The following CFAP61 variants were observed in gnomAD, a reference collection of about 807,000 sequenced individuals.
CFAP61 encodes cilia- and flagella-associated protein 61.
In CFAP61, 107 loss-of-function variants were observed where a neutral mutation model predicts 135.6. That is an observed-to-expected ratio of 0.79 (90% CI 0.67 to 0.93). The LOEUF (loss-of-function observed/expected upper bound fraction) is 0.93. Ranked by LOEUF, CFAP61 falls within the 40% of genes least tolerant of loss-of-function variation. CFAP61 has a pLI of 0.00. For missense variants in CFAP61, 1,507 were observed against 1,556.2 expected, an observed-to-expected ratio of 0.97 and a Z score of 0.53; for synonymous variants, 575 against 578.5, an observed-to-expected ratio of 0.99 and a Z score of 0.09.
chr20:20,229,664 C>T (rs2048990790), intron 18 of CFAP61, among the ~76,000 whole-genome samples: 2 of 152,136 alleles, frequency 1.3e-5, no homozygotes, highest in Non-Finnish European at 2.9e-5. Context: ...GGTTATTTTG[C>T]TCATTTAACA....
chr20:20,262,095 C>T (rs1383086103), intron 20 of CFAP61, among the ~76,000 whole-genome samples: 1 of 152,184 alleles, frequency 6.6e-6, no homozygotes, highest in African/African-American at 2.4e-5. Flanking sequence ...ACCCCAGATA[C>T]AATTTCTGTG....
chr20:20,240,996 C>T (rs2049982503), intron 18 of CFAP61, among the ~76,000 whole-genome samples: 1 of 152,156 alleles, frequency 6.6e-6, no homozygotes, highest in African/African-American at 2.4e-5. Flanking sequence ...GGCCCAGCTG[C>T]CTAGCTGACT....
chr20:20,142,275 T>C (rs1040127099), intron 8 of CFAP61, among the ~76,000 whole-genome samples: 2 of 152,134 alleles, frequency 1.3e-5, no homozygotes, highest in Admixed American at 6.5e-5. Flanking sequence ...TTCTTGAAAA[T>C]AATTTCTATT....
At chr20:20,069,249 G>A (rs1313610916) in intron 2 of CFAP61, among the ~76,000 whole-genome samples, 1 of 152,174 alleles carries the variant, frequency 6.6e-6, no homozygotes, top group Non-Finnish European at 1.5e-5. Flanking sequence ...AATAGTATAG[G>A]TTGTGAGATT....
At chr20:20,170,813 A>G (rs2054167407) in intron 13 of CFAP61, among the ~76,000 whole-genome samples, 1 of 152,252 alleles carries the variant, frequency 6.6e-6, no homozygotes, top group Non-Finnish European at 1.5e-5. Context: ...TCTATATCCT[A>G]TGTGGAAAGA....
At chr20:20,130,282 C>G (rs73605599) in intron 8 of CFAP61, among the ~76,000 whole-genome samples, 15,018 of 150,312 alleles carry the variant, frequency 0.1, 1,653 homozygotes, top group East Asian at 0.59. Flanking sequence ...GGGCGAGACT[C>G]TGTCTCAGAA....
intron 26 of CFAP61, among the ~76,000 whole-genome samples, chr20:20,357,225 G>T (rs76006226): frequency 0.049 from 2,721 of 55,380 alleles, no homozygotes; most frequent in East Asian, 0.23. Flanking sequence ...TGAGGGGAGG[G>T]GGTCATACTG....
At chr20:20,225,413 A>C (rs186629804) in intron 17 of CFAP61, 1 of 152,298 alleles carries the variant, frequency 6.6e-6, no homozygotes, top group Non-Finnish European at 1.5e-5. Context: ...CATCATTGGT[A>C]CTGGTTGCCT....
intron 13 of CFAP61, among the ~76,000 whole-genome samples, chr20:20,181,276 T>TACAC (rs74180984): frequency 0.013 from 1,808 of 144,506 alleles, 28 homozygotes; most frequent in Admixed American, 0.037. Flanking sequence ...TGTGTATGTA[T>TACAC]ACACACACAC....
rs570001071 is a variant in CFAP61, at chr20:20,297,895, G to T, written c.3217-286G>T. On this transcript the variant is annotated intron_variant, in intron 24 of 26. Transcript: ENST00000245957. ...AAACCCAGTTCCACTTATTAGCTGG[G>T]TGTGCAGTATTAATAAAGGGTTGGT... Among the ~76,000 whole-genome samples the T allele has an allele frequency of 9.8e-5, 15 of 152,346 alleles. No individual in the cohort carries two copies. In the South Asian group the frequency reaches 2.3e-3, roughly 23 times the overall value.
chr20:20,343,429 G>A (rs1347383737), intron 26 of CFAP61, among the ~76,000 whole-genome samples: 1 of 152,186 alleles, frequency 6.6e-6, no homozygotes, highest in African/African-American at 2.4e-5. Flanking sequence ...GCAAGTAAAT[G>A]CAGCTGAGGG....
chr20:20,181,214 CATATGTGTATATATATAACTTTT>C (rs2055060246), intron 13 of CFAP61, among the ~76,000 whole-genome samples: 1 of 144,972 alleles, frequency 6.9e-6, no homozygotes, highest in Non-Finnish European at 1.5e-5. Context: ...TGTATATATA[CATATGTGTATATATATAACTTTT>C]ATGTGTATAT....
At position 20,193,535 on chromosome 20, in the gene CFAP61, A is replaced by G. The variant is rs573177766; in HGVS notation, c.1590+2116A>G. 1.9e-4 allele frequency among the ~76,000 whole-genome samples: 29 copies of G among 152,060 alleles called. 1 individual carries two copies. The highest frequency in any genetic ancestry group is 3.4e-4 in the Non-Finnish European group (23 of 68,014). On this transcript the variant is annotated intron_variant, in intron 15 of 26. Coordinates refer to ENST00000245957, the MANE Select transcript of CFAP61 (RefSeq NM_015585.4). ...TAGTAAGGTCCCTGAGTCTACACAA[A>G]TATGATAAGTTTTCATTGGTCCTCA...
In CFAP61 at chr20:20,329,756, C is replaced by T. The variant is rs568914450; in HGVS notation, c.3423-12075C>T. Among the ~76,000 whole-genome samples the T allele has an allele frequency of 1.8e-3, 277 of 152,370 alleles. 2 individuals are homozygous for T. Among genetic ancestry groups the T allele is most frequent in the African/African-American group, 6.3e-3 (263 of 41,584 alleles). ...AACCACCTGTCATTCCCAGCAGGCCCTGCCTGCTTTGTGCCTCCACGCTTT... is the reference window on the plus strand; with the variant it reads ...AACCACCTGTCATTCCCAGCAGGCCTTGCCTGCTTTGTGCCTCCACGCTTT... On this transcript the variant is annotated intron_variant, in intron 25 of 26. Coordinates refer to ENST00000245957, the MANE Select transcript of CFAP61 (RefSeq NM_015585.4).
chr20:20,075,758 A>G (rs6035543), intron 6 of CFAP61, 143 bp downstream of exon 6: 71,905 of 809,688 alleles, frequency 0.089, 3,577 homozygotes, highest in Middle Eastern at 0.13. Context: ...TCATTTGGAT[A>G]TCTTTATAGT....
At chr20:20,249,035 G>C (rs780595434) in intron 19 of CFAP61, among the ~76,000 whole-genome samples, 1 of 152,130 alleles carries the variant, frequency 6.6e-6, no homozygotes, top group Non-Finnish European at 1.5e-5. Flanking sequence ...CTCTGTTTTC[G>C]GATGAAGCCT....
chr20:20,180,530 A>G (rs759497196), intron 13 of CFAP61, among the ~76,000 whole-genome samples: 1 of 152,160 alleles, frequency 6.6e-6, no homozygotes, highest in Non-Finnish European at 1.5e-5. Flanking sequence ...GAGAGGTTGC[A>G]GAAAAGCAGG....
chr20:20,129,640 T>G (rs1156615147), intron 8 of CFAP61, among the ~76,000 whole-genome samples: 1 of 151,598 alleles, frequency 6.6e-6, no homozygotes, highest in African/African-American at 2.4e-5. Flanking sequence ...TTAATAAACT[T>G]TCTACCCCTA....
At chr20:20,189,352 A>G (rs954314913) in intron 14 of CFAP61, among the ~76,000 whole-genome samples, 3 of 152,100 alleles carry the variant, frequency 2.0e-5, no homozygotes, top group Non-Finnish European at 4.4e-5. Context: ...TGGTTCTCAA[A>G]GTATGGTCTA....
Sources: gnomAD v4.1 joint callset for allele counts (sites outside exome capture counted in the v4.1 genomes callset) on GRCh38, gnomAD v4.1.1 for gene constraint, MANE v1.5 for transcripts, NCBI Gene and HGNC (gene_info 2026-07-23, HGNC 2026-07-21) for gene names.